The following PICALM variants were observed in gnomAD, a reference collection of about 807,000 sequenced individuals.
PICALM encodes the protein phosphatidylinositol-binding clathrin assembly protein.
A neutral mutation model predicts 80.5 loss-of-function variants in PICALM; 40 were observed. The ratio of observed to expected loss-of-function variants is 0.50; its 90% CI spans 0.39 to 0.65. The LOEUF is 0.65. PICALM is among the 30% of genes least tolerant of loss of function. PICALM has a pLI of 0.00. For synonymous variants in PICALM, 288 were observed against 260.3 expected, an observed-to-expected ratio of 1.11 and a Z score of -1.02; for missense variants, 676 against 778.9, an observed-to-expected ratio of 0.87 and a Z score of 1.57.
At chr11:86,003,875 A>C (rs1327074939) in intron 8 of PICALM, 1 of 152,930 alleles carries the variant, frequency 6.5e-6, no homozygotes, top group African/African-American at 2.4e-5. Context: ...TCATCAGGGA[A>C]ATGAAAATGA....
At chr11:86,035,820 C>T (rs778272785) in intron 1 of PICALM, among the ~76,000 whole-genome samples, 9 of 151,390 alleles carry the variant, frequency 5.9e-5, no homozygotes, top group Non-Finnish European at 1.0e-4. Context: ...TGGTGGCACA[C>T]GCCTGTAATC....
At chr11:86,056,833 C>T (rs986227314) in intron 1 of PICALM, among the ~76,000 whole-genome samples, 1 of 152,160 alleles carries the variant, frequency 6.6e-6, no homozygotes, top group Non-Finnish European at 1.5e-5. Flanking sequence ...GAGTATTACT[C>T]ACCTATAAAA....
At chr11:86,061,330 C>CAAAA (rs58836221) in intron 1 of PICALM, among the ~76,000 whole-genome samples, 67 of 81,108 alleles carry the variant, frequency 8.3e-4, no homozygotes, top group African/African-American at 1.7e-3. Flanking sequence ...GACTCCATCT[C>CAAAA]AAAAAAAAAA....
chr11:85,994,376 G>A (rs2094890427), intron 12 of PICALM, among the ~76,000 whole-genome samples: 1 of 152,132 alleles, frequency 6.6e-6, no homozygotes, highest in Non-Finnish European at 1.5e-5. Context: ...CTACCAAAAG[G>A]TAGAATCTTA....
At chr11:86,063,104 A>C (rs2096393600) in intron 1 of PICALM, among the ~76,000 whole-genome samples, 1 of 152,248 alleles carries the variant, frequency 6.6e-6, no homozygotes, top group Admixed American at 6.5e-5. Flanking sequence ...GTGAACTTTC[A>C]CATTAACTAT....
At chr11:86,040,293 G>A (rs933505777) in intron 1 of PICALM, among the ~76,000 whole-genome samples, 8 of 152,136 alleles carry the variant, frequency 5.3e-5, no homozygotes, top group African/African-American at 1.9e-4. Flanking sequence ...GGTGAGGTAT[G>A]TATGAGTGGC....
chr11:86,061,044 G>C (rs545582150), intron 1 of PICALM, among the ~76,000 whole-genome samples: 2 of 152,266 alleles, frequency 1.3e-5, no homozygotes, highest in East Asian at 1.9e-4. Context: ...AGATACATTT[G>C]ATAGCCGGGC....
In PICALM at chr11:86,022,408, T is replaced by C. The variant is rs1385009788; in HGVS notation, c.411A>G (p.Ser137=). 6.3e-7 allele frequency: 1 copy of C among 1,595,086 alleles called. No individual in the cohort carries two copies. The highest frequency in any genetic ancestry group is 1.1e-5 in the South Asian group (1 of 89,174). The part of the protein sequence containing the change: ...YSRYLNEKAV[S]YRQVAFDFTK... ...TGAAATCAAATGCAACTTGTCTGTA[T>C]GAAACTGCTTTCTCATTTAAATATC... Residue 137 remains serine, a synonymous_variant, in exon 4 of 20, where the codon TCA becomes TCG. Coordinates refer to ENST00000393346, the MANE Select transcript of PICALM (RefSeq NM_007166.4).
chr11:85,992,681 C>A (rs571278584), intron 12 of PICALM, among the ~76,000 whole-genome samples: 2 of 151,992 alleles, frequency 1.3e-5, no homozygotes, highest in African/African-American at 4.8e-5. Context: ...CTGTTTTTCA[C>A]GCAAAAAAAG....
chr11:86,019,270 A>AT (rs60566146), intron 4 of PICALM, among the ~76,000 whole-genome samples: 124,542 of 151,940 alleles, frequency 0.82, 51,239 homozygotes, highest in African/African-American at 0.89. Flanking sequence ...GATATTCTTG[A>AT]TTTTTTTCTT....
intron 2 of PICALM, among the ~76,000 whole-genome samples, chr11:86,027,470 A>G (rs1442543760): frequency 1.3e-5 from 2 of 150,792 alleles, no homozygotes; most frequent in Non-Finnish European, 3.0e-5. Flanking sequence ...ATAATCAACT[A>G]GGATGTACAC....
At chr11:86,011,620 A>C (rs2095395260) in intron 6 of PICALM, among the ~76,000 whole-genome samples, 1 of 152,098 alleles carries the variant, frequency 6.6e-6, no homozygotes, top group Admixed American at 6.6e-5. Context: ...AAAAACCTTT[A>C]TTTTTCACTT....
At chr11:85,963,756 G>A (rs1426697213) in intron 19 of PICALM, among the ~76,000 whole-genome samples, 1 of 151,718 alleles carries the variant, frequency 6.6e-6, no homozygotes, top group Non-Finnish European at 1.5e-5. Flanking sequence ...TATAGAGCGT[G>A]TTTCATATAG....
At chr11:86,064,942 C>T (rs892118843) in intron 1 of PICALM, among the ~76,000 whole-genome samples, 17 of 151,882 alleles carry the variant, frequency 1.1e-4, no homozygotes, top group South Asian at 2.1e-4. Flanking sequence ...ATTAACCAGG[C>T]GTGGTGGCAC....
intron 1 of PICALM, among the ~76,000 whole-genome samples, chr11:86,042,915 T>C (rs2096001181): frequency 6.6e-6 from 1 of 152,190 alleles, no homozygotes; most frequent in Non-Finnish European, 1.5e-5. Context: ...TATGGTATAA[T>C]ATCTATAATT....
intron 1 of PICALM, among the ~76,000 whole-genome samples, chr11:86,068,255 T>C (rs2509608): frequency 6.6e-6 from 1 of 152,044 alleles, no homozygotes; most frequent in Non-Finnish European, 1.5e-5. Flanking sequence ...CAATGGGGCT[T>C]GGAGACGCTC....
chr11:86,026,169 C>G lies in PICALM; in HGVS notation c.349+123G>C, dbSNP rs534847430. On this transcript the variant is annotated intron_variant, in intron 3 of 19. Coordinates refer to ENST00000393346, the MANE Select transcript of PICALM (RefSeq NM_007166.4). ...TTAAAAGACAGTTTTTTCTTTCCTACAACCTTCACTAAAATATAAGGTTTA... is the reference window on the plus strand; with the variant it reads ...TTAAAAGACAGTTTTTTCTTTCCTAGAACCTTCACTAAAATATAAGGTTTA... The G allele has an allele frequency of 2.4e-4, 150 of 614,248 alleles. 2 individuals carry two copies. In the South Asian group the frequency reaches 3.0e-3, roughly 12 times the overall value. The allele number at this position is 614,248 out of a possible 1,614,324, so 38.0% of individuals were successfully genotyped here.
chr11:86,032,540 T>A (rs1198635901), intron 1 of PICALM, among the ~76,000 whole-genome samples: 1 of 151,970 alleles, frequency 6.6e-6, no homozygotes, highest in East Asian at 1.9e-4. Context: ...GCAGGACAAT[T>A]GCTTGAACCT....
intron 19 of PICALM, among the ~76,000 whole-genome samples, chr11:85,973,241 CAG>C (rs1341362431): frequency 1.3e-5 from 2 of 152,148 alleles, no homozygotes; most frequent in African/African-American, 4.8e-5. Context: ...CTCAGCCAAA[CAG>C]AGATATCAAT....
Sources: gnomAD v4.1 joint callset for allele counts (sites outside exome capture counted in the v4.1 genomes callset) on GRCh38, gnomAD v4.1.1 for gene constraint, MANE v1.5 for transcripts, NCBI Gene and HGNC (gene_info 2026-07-23, HGNC 2026-07-21) for gene names.